ZFPM1: variants seen among roughly 807,000 people sequenced by gnomAD.
ZFPM1 encodes zinc finger protein ZFPM1.
ZFPM1 carries 28 observed loss-of-function variants against 46.3 expected under a neutral mutation model. The observed-to-expected ratio is 0.60, with a 90% CI of 0.45 to 0.83. ZFPM1 has a LOEUF of 0.83. ZFPM1 is among the 40% of genes least tolerant of loss of function. The pLI, the probability that ZFPM1 is intolerant of heterozygous loss-of-function variation, is 0.00. For missense variants in ZFPM1, 1,878 were observed against 1,432.4 expected (o/e 1.31, Z -5.02); for synonymous variants, 957 against 675.9 (o/e 1.42, Z -6.45).
intron 1 of ZFPM1, among the ~76,000 whole-genome samples, chr16:88,470,294 C>T (rs993288089): frequency 5.3e-5 from 8 of 152,204 alleles, no homozygotes; most frequent in African/African-American, 1.9e-4. Flanking sequence ...GGGCGGGCAG[C>T]CTCTGGATGC....
chr16:88,532,289 A>C, intron 7 of ZFPM1, 54 bp downstream of exon 7: 1 of 1,499,162 alleles, frequency 6.7e-7, no homozygotes, highest in Non-Finnish European at 9.0e-7. Context: ...TTCCCCACCC[A>C]GTCCCGCAGG....
chr16:88,467,189 T>C (rs1365563297), intron 1 of ZFPM1, among the ~76,000 whole-genome samples: 1 of 152,146 alleles, frequency 6.6e-6, no homozygotes, highest in Middle Eastern at 3.2e-3. Context: ...TTTGTCCCTG[T>C]GATCCAAGAG....
chr16:88,527,966 CTTGT>C (rs1203239380), intron 5 of ZFPM1, 62 bp from the exon 6 acceptor site: 83 of 1,449,472 alleles, frequency 5.7e-5, no homozygotes, highest in African/African-American at 1.3e-4. Flanking sequence ...TCCTCTGCCC[CTTGT>C]TTAAGACGGG....
At chr16:88,512,117 C>T (rs1045068541) in intron 3 of ZFPM1, among the ~76,000 whole-genome samples, 4 of 152,250 alleles carry the variant, frequency 2.6e-5, no homozygotes, top group Non-Finnish European at 5.9e-5. Context: ...ATGCCAGCCA[C>T]GCTCTTATCT....
At chr16:88,500,710 C>T (rs1910202281) in intron 3 of ZFPM1, among the ~76,000 whole-genome samples, 1 of 152,198 alleles carries the variant, frequency 6.6e-6, no homozygotes, top group Non-Finnish European at 1.5e-5. Context: ...CTGTTGTGCC[C>T]TGTTCTGGGC....
chr16:88,527,453 T>G (rs1912432203), intron 5 of ZFPM1, among the ~76,000 whole-genome samples: 1 of 152,076 alleles, frequency 6.6e-6, no homozygotes, highest in African/African-American at 2.4e-5. Flanking sequence ...CCTCTGGGCT[T>G]AGGCAGGTCC....
intron 1 of ZFPM1, among the ~76,000 whole-genome samples, chr16:88,482,914 A>C (rs953262724): frequency 2.0e-5 from 3 of 152,160 alleles, no homozygotes; most frequent in Non-Finnish European, 4.4e-5. Context: ...CTGCCTGCTC[A>C]GGGCCGACCC....
chr16:88,510,647 G>A (rs535695145), intron 3 of ZFPM1, among the ~76,000 whole-genome samples: 7 of 152,236 alleles, frequency 4.6e-5, no homozygotes, highest in South Asian at 2.1e-4. Context: ...TCACCCATGC[G>A]GCCTAGGTCC....
chr16:88,484,346 C>T (rs1403240892), intron 1 of ZFPM1, among the ~76,000 whole-genome samples: 1 of 152,238 alleles, frequency 6.6e-6, no homozygotes, highest in Admixed American at 6.5e-5. Flanking sequence ...ATGGGGCGCT[C>T]AGCCCTCAGG....
At chr16:88,487,532 G>A (rs569845043) in intron 2 of ZFPM1, among the ~76,000 whole-genome samples, 9 of 152,262 alleles carry the variant, frequency 5.9e-5, no homozygotes, top group East Asian at 3.9e-4. Flanking sequence ...CAAGGCCAAC[G>A]GGGGTGGGGG....
chr16:88,532,867 G>T lies in ZFPM1; in HGVS notation c.1121G>T (p.Cys374Phe). 1 of 1,613,402 alleles carries T rather than the reference G, an allele frequency of 6.2e-7. No homozygotes were observed. Among genetic ancestry groups the T allele is most frequent in the Non-Finnish European group, 8.5e-7 (1 of 1,179,942 alleles). ...CACTTGGTCACCAACCACATGGTCT[G>T]CCAGCCTGGCTCCAAGGGTGAGATC... is the stretch of plus-strand genomic sequence containing the variant. ...YSHLVTNHMVCQPGSKGEIYS... is the reference protein window; with the variant it reads ...YSHLVTNHMVFQPGSKGEIYS... The change falls in exon 9 of 10, where the codon TGC becomes TTC. Residue 374 changes from cysteine (C) to phenylalanine (F), a missense_variant. Coordinates refer to ENST00000319555, the MANE Select transcript of ZFPM1 (RefSeq NM_153813.3).
At chr16:88,468,244 A>G (rs961147174) in intron 1 of ZFPM1, among the ~76,000 whole-genome samples, 3 of 136,320 alleles carry the variant, frequency 2.2e-5, no homozygotes, top group Non-Finnish European at 4.7e-5. Context: ...CCGCGAGCCC[A>G]CCGTCCCGAC....
chr16:88,522,260 A>C (rs1008788269), intron 4 of ZFPM1: 2 of 152,284 alleles, frequency 1.3e-5, no homozygotes, highest in African/African-American at 4.8e-5. Context: ...TGCATGGTCG[A>C]GGGAGACAGA....
Position 88,468,680 on chromosome 16 carries a change from C to T in ZFPM1, c.40+15002C>T, listed in dbSNP as rs545455070. On this transcript the variant is annotated intron_variant, in intron 1 of 9. Transcript: ENST00000319555. ...CACCCAGAATCTGATACCCCCAGGG[C>T]CCCGCCCCCCAGAGCCCCACCCCCA... Among the ~76,000 whole-genome samples, 8 of 152,210 alleles carry T rather than the reference C, an allele frequency of 5.3e-5. No homozygotes were observed. The East Asian group carries it at 1.4e-3, about 26-fold the overall frequency.
chr16:88,534,150 C>T lies in ZFPM1; in HGVS notation c.2192C>T (p.Ala731Val). ...CCCCCTGGGCCGGCCGCGCCCCCGG[C>T]CCCCTCTCCCGCCGCGCCTGTGCGC... ...PGPPGPAAPP[A>V]PSPAAPVRTR... is the part of the protein sequence containing the mutation. Residue 731 changes from alanine to valine, a missense_variant, in exon 10 of 10, where the codon GCC becomes GTC. Ala to Val is a moderately conservative substitution (Grantham distance 64, BLOSUM62 0). Transcript: ENST00000319555. The T allele has an allele frequency of 3.0e-6, 3 of 1,003,738 alleles. No homozygotes were observed. Among genetic ancestry groups the T allele is most frequent in the Non-Finnish European group, 3.5e-6 (3 of 845,786 alleles). The allele number at this position is 1,003,738 out of a possible 1,614,324, so 62.2% of individuals were successfully genotyped here. A position where few individuals can be genotyped will look rare whatever the true frequency, so the allele number is the denominator to read the frequency against.
intron 6 of ZFPM1, among the ~76,000 whole-genome samples, chr16:88,530,161 G>A (rs1460550362): frequency 1.3e-5 from 2 of 152,290 alleles, no homozygotes; most frequent in East Asian, 3.9e-4. Flanking sequence ...GTCTCGGGGT[G>A]CCCGGGAGAC....
At position 88,536,254 on chromosome 16, in the gene ZFPM1, C is replaced by T. The variant is rs915245404; in HGVS notation, c.*1275C>T. On this transcript the variant is annotated 3_prime_UTR_variant, in exon 10 of 10. Transcript: ENST00000319555. ...TGGCACGATCATAAGTCACTGCAGCCTCAAACTCCTGAGCTGAAACCATCT... is the reference window on the plus strand; with the variant it reads ...TGGCACGATCATAAGTCACTGCAGCTTCAAACTCCTGAGCTGAAACCATCT... The T allele has an allele frequency of 6.6e-6, 1 of 152,202 alleles. No individual in the cohort carries two copies. Among genetic ancestry groups the T allele is most frequent in the Non-Finnish European group, 1.5e-5 (1 of 68,048 alleles). 9.4% of individuals were successfully genotyped at this position (152,202 alleles called of 1,614,324 possible). A position where few individuals can be genotyped will look rare whatever the true frequency, so the allele number is the denominator to read the frequency against.
Position 88,533,701 on chromosome 16 carries a change from G to T in ZFPM1, c.1743G>T (p.Glu581Asp). The change falls in exon 10 of 10, where the codon GAG becomes GAT. Residue 581 changes from glutamate (E) to aspartate (D), a missense_variant. Transcript: ENST00000319555. The part of the protein sequence containing the change: ...PGAPKGATCF[E>D]CEITFSNVNN... ...CCCCCAAGGGCGCTACGTGCTTCGA[G>T]TGCGAGATCACCTTCAGCAACGTCA... is the stretch of plus-strand genomic sequence containing the variant. The T allele has an allele frequency of 6.6e-7, 1 of 1,512,198 alleles. No individual in the cohort carries two copies. Among genetic ancestry groups the T allele is most frequent in the Non-Finnish European group, 8.9e-7 (1 of 1,125,302 alleles). 93.7% of individuals were successfully genotyped at this position (1,512,198 alleles called of 1,614,324 possible).
intron 1 of ZFPM1, among the ~76,000 whole-genome samples, chr16:88,455,038 A>G (rs1907473428): frequency 6.6e-6 from 1 of 151,622 alleles, no homozygotes; most frequent in Non-Finnish European, 1.5e-5. Context: ...TATCGTGTCA[A>G]CTCAAGTATT....
Sources: allele counts gnomAD v4.1 joint callset (sites outside exome capture counted in the v4.1 genomes callset), GRCh38; gene constraint gnomAD v4.1.1; transcripts MANE v1.5; gene names NCBI Gene and HGNC (gene_info 2026-07-23, HGNC 2026-07-21).